ZMYM4: variants seen among roughly 807,000 people sequenced by gnomAD.
ZMYM4 encodes the protein zinc finger MYM-type containing 4, also known as zinc finger MYM-type protein 4.
A neutral mutation model predicts 183.2 loss-of-function variants in ZMYM4; 31 were observed. The ratio of observed to expected loss-of-function variants is 0.17; its 90% CI spans 0.13 to 0.23. The LOEUF (loss-of-function observed/expected upper bound fraction) is 0.23, where lower values mean the gene tolerates loss of function less well. ZMYM4 is among the 10% of genes least tolerant of loss of function. The pLI is 1.00. For synonymous variants in ZMYM4, 592 were observed against 631.2 expected (o/e 0.94, Z 0.93); for missense variants, 1,273 against 1,840.3 (o/e 0.69, Z 5.64).
At chr1:35,324,546 T>G (rs1243537412) in intron 1 of ZMYM4, among the ~76,000 whole-genome samples, 1 of 152,256 alleles carries the variant, frequency 6.6e-6, no homozygotes, top group East Asian at 1.9e-4. Context: ...ATACTACTGA[T>G]TACTATAGCT....
Position 35,387,289 on chromosome 1 carries a change from G to A in ZMYM4, c.2112+11G>A, listed in dbSNP as rs777409145. The A allele has an allele frequency of 6.2e-7, 1 of 1,610,254 alleles. No homozygotes were observed. The highest frequency in any genetic ancestry group is 8.5e-7 in the Non-Finnish European group (1 of 1,176,824). ...CTTCTTGACTATAAGGTAAAGTATA[G>A]CATGTTCATGATAAGATTTTGAGTA... On this transcript the variant is annotated intron_variant, in intron 12 of 29. Coordinates refer to ENST00000314607, the MANE Select transcript of ZMYM4 (RefSeq NM_005095.3).
At chr1:35,273,717 T>A (rs952148420) in intron 1 of ZMYM4, among the ~76,000 whole-genome samples, 8 of 152,190 alleles carry the variant, frequency 5.3e-5, no homozygotes, top group Non-Finnish European at 8.8e-5. Flanking sequence ...CACATTTGTG[T>A]CTGTATATGC....
intron 23 of ZMYM4, among the ~76,000 whole-genome samples, chr1:35,402,832 A>ACTTTTTC (rs113408476): frequency 0.33 from 49,700 of 151,694 alleles, 13,703 homozygotes; most frequent in East Asian, 0.77. Flanking sequence ...AGACAGTTTT[A>ACTTTTTC]CTTTGTAATC....
chr1:35,271,327 T>TG (rs1279833352), intron 1 of ZMYM4, among the ~76,000 whole-genome samples: 1 of 151,614 alleles, frequency 6.6e-6, no homozygotes, highest in Non-Finnish European at 1.5e-5. Flanking sequence ...AAGATGTTAC[T>TG]GGTCTTGTGA....
rs756849810 is a variant in ZMYM4 at position 35,370,625 on chromosome 1, A to G, written c.1179A>G (p.Ser393=). The G allele has an allele frequency of 6.2e-7, 1 of 1,603,476 alleles. No individual in the cohort carries two copies. The highest frequency in any genetic ancestry group is 8.5e-7 in the Non-Finnish European group (1 of 1,173,562). ...PLTKKTCSSC[S]KDILNPKDVI... Reference sequence around the variant, plus strand: ...CCAAGAAAACTTGTTCAAGTTGCTCAAAGTATAGCAGAATTCTAAATTATC... The same window carrying G: ...CCAAGAAAACTTGTTCAAGTTGCTCGAAGTATAGCAGAATTCTAAATTATC... Residue 393 remains serine (S), a splice_region_variant and synonymous_variant, in exon 7 of 30, where the codon TCA becomes TCG. Coordinates refer to ENST00000314607, the MANE Select transcript of ZMYM4 (RefSeq NM_005095.3).
chr1:35,305,010 T>C (rs1352471426), intron 1 of ZMYM4, among the ~76,000 whole-genome samples: 1 of 152,130 alleles, frequency 6.6e-6, no homozygotes, highest in Non-Finnish European at 1.5e-5. Flanking sequence ...TACGACCAGC[T>C]AATTTTTGTA....
intron 1 of ZMYM4, among the ~76,000 whole-genome samples, chr1:35,281,543 T>C (rs937968842): frequency 7.9e-5 from 12 of 152,036 alleles, no homozygotes; most frequent in Non-Finnish European, 1.5e-4. Context: ...GTGATGGATA[T>C]GCTAATTTGC....
chr1:35,353,054 G>T (rs2148890276), intron 2 of ZMYM4, among the ~76,000 whole-genome samples: 1 of 152,256 alleles, frequency 6.6e-6, no homozygotes, highest in Non-Finnish European at 1.5e-5. Context: ...CTTTCAGTGT[G>T]GTCCTCCCTT....
At chr1:35,322,547 A>C (rs1642328514) in intron 1 of ZMYM4, among the ~76,000 whole-genome samples, 1 of 152,180 alleles carries the variant, frequency 6.6e-6, no homozygotes, top group Admixed American at 6.5e-5. Context: ...AGGAGTGAGA[A>C]TAGATCATTG....
chr1:35,360,341 C>T (rs1338269793), intron 3 of ZMYM4, among the ~76,000 whole-genome samples: 1 of 151,982 alleles, frequency 6.6e-6, no homozygotes. Flanking sequence ...GGGGCCTAAC[C>T]TGGTGTAGTA....
Position 35,310,874 on chromosome 1 carries a change from G to A in ZMYM4, c.40-14486G>A, listed in dbSNP as rs191248860. Among the ~76,000 whole-genome samples the A allele has an allele frequency of 1.2e-4, 18 of 152,102 alleles. 2 individuals carry two copies. The highest frequency in any genetic ancestry group is 3.9e-4 in the African/African-American group (16 of 41,504). On this transcript the variant is annotated intron_variant, in intron 1 of 29. Coordinates refer to ENST00000314607, the MANE Select transcript of ZMYM4 (RefSeq NM_005095.3). The stretch of plus-strand genomic sequence containing the variant: ...ATTACAGGTGTGAGCCACCGCATTC[G>A]GCCTCTTTTTTCTTTTTCTAATTCA...
rs746337174 is a variant in ZMYM4 at position 35,361,782 on chromosome 1, A to C, written c.833A>C (p.Asn278Thr). 6.2e-7 allele frequency: 1 copy of C among 1,602,184 alleles called. No homozygotes were observed. Among genetic ancestry groups the C allele is most frequent in the East Asian group, 2.2e-5 (1 of 44,734 alleles). The change falls in exon 5 of 30, where the codon AAT (asparagine) becomes ACT (threonine). Residue 278 changes from asparagine to threonine, a missense_variant. This residue lies in a region of ZMYM4 where 384 missense variants were observed against 465.6 expected (regional missense o/e 0.82). Coordinates refer to ENST00000314607, the MANE Select transcript of ZMYM4 (RefSeq NM_005095.3). Reference sequence around the variant, plus strand: ...GACAAAATAAAAGATGAACCTGACAATGCTCAAGTAAACATTTCACCTTTT... The same window carrying C: ...GACAAAATAAAAGATGAACCTGACACTGCTCAAGTAAACATTTCACCTTTT... The part of the protein sequence containing the change: ...LLDKIKDEPD[N>T]AQEYSHGQQQ...
At chr1:35,402,982 G>T (rs1644938109) in intron 23 of ZMYM4, among the ~76,000 whole-genome samples, 1 of 152,172 alleles carries the variant, frequency 6.6e-6, no homozygotes, top group Admixed American at 6.5e-5. Flanking sequence ...GCAACAGAAA[G>T]TATGATGTTA....
chr1:35,269,011 CGCGGGGAGCCGCAGCGGTTCCGA>C lies in ZMYM4; in HGVS notation c.-29_-7del, dbSNP rs1441884818. The stretch of plus-strand genomic sequence containing the variant: ...GGGCCGAGAGGTACCGCCGCCACCG[CGCGGGGAGCCGCAGCGGTTCCGA>C]GCGGGGCCCAACATGGCGGAGAGAG... On this transcript the variant is annotated 5_prime_UTR_variant, in exon 1 of 30. Coordinates refer to ENST00000314607, the MANE Select transcript of ZMYM4 (RefSeq NM_005095.3). 3 of 1,521,452 alleles carry C rather than the reference CGCGGGGAGCCGCAGCGGTTCCGA, an allele frequency of 2.0e-6. No homozygotes were observed. The highest frequency in any genetic ancestry group is 1.8e-6 in the Non-Finnish European group (2 of 1,134,686). 94.2% of individuals were successfully genotyped at this position (1,521,452 alleles called of 1,614,324 possible).
intron 1 of ZMYM4, chr1:35,292,399 T>C (rs1377142206): frequency 6.6e-6 from 1 of 152,270 alleles, no homozygotes; most frequent in Non-Finnish European, 1.5e-5. Flanking sequence ...CCAATTGGCA[T>C]AGCTAGCACA....
intron 1 of ZMYM4, among the ~76,000 whole-genome samples, chr1:35,289,448 G>T (rs1640654286): frequency 6.6e-6 from 1 of 152,202 alleles, no homozygotes. Context: ...GTTAGTGCTA[G>T]ATAGTTGGTG....
At chr1:35,419,386 G>A (rs1325493116) in intron 29 of ZMYM4, 84 bp from the exon 30 acceptor site, 18 of 1,450,096 alleles carry the variant, frequency 1.2e-5, no homozygotes, top group Non-Finnish European at 1.6e-5. Context: ...AAAAACCTCA[G>A]TTTACTTAAG....
chr1:35,332,324 C>G (rs1475096508), intron 2 of ZMYM4, among the ~76,000 whole-genome samples: 1 of 151,772 alleles, frequency 6.6e-6, no homozygotes, highest in Non-Finnish European at 1.5e-5. Flanking sequence ...CAAATCACCC[C>G]ATAACTAATG....
In ZMYM4 at chr1:35,294,586, A is replaced by G. The variant is rs368149047; in HGVS notation, c.39+25501A>G. On this transcript the variant is annotated intron_variant, in intron 1 of 29. Coordinates refer to ENST00000314607, the MANE Select transcript of ZMYM4 (RefSeq NM_005095.3). ...GTTACAAATAAACAGATTCATGTCT[A>G]TATAACAGTAGAGTATATAGATCAT... Among the ~76,000 whole-genome samples, 203 of 152,338 alleles carry G rather than the reference A, an allele frequency of 1.3e-3. 7 individuals carry two copies. In the South Asian group the frequency reaches 0.04, roughly 30 times the overall value.
Sources: allele counts gnomAD v4.1 joint callset (sites outside exome capture counted in the v4.1 genomes callset), GRCh38; gene constraint gnomAD v4.1.1; regional missense constraint gnomAD v4.1.1; transcripts MANE v1.5; gene names NCBI Gene and HGNC (gene_info 2026-07-23, HGNC 2026-07-21).